The following GRIA1 variants were observed in gnomAD, a reference collection of about 807,000 sequenced individuals.
GRIA1 encodes the protein glutamate ionotropic receptor AMPA type subunit 1, also known as glutamate receptor 1.
GRIA1 carries 31 observed loss-of-function variants against 99.2 expected under a neutral mutation model. The observed-to-expected ratio is 0.31, with a 90% CI of 0.23 to 0.42. GRIA1 has a LOEUF of 0.42. Ranked by LOEUF, GRIA1 falls within the 10% of genes least tolerant of loss-of-function variation. The pLI is 1.00. For missense variants in GRIA1, 782 were observed against 1,157.5 expected, an observed-to-expected ratio of 0.68 and a Z score of 4.71; for synonymous variants, 438 against 432.4, an observed-to-expected ratio of 1.01 and a Z score of -0.16.
At chr5:153,767,755 A>G (rs1763615579) in intron 12 of GRIA1, among the ~76,000 whole-genome samples, 1 of 152,168 alleles carries the variant, frequency 6.6e-6, no homozygotes, top group South Asian at 2.1e-4. Flanking sequence ...TCCTCCATCG[A>G]CAGTTTAATT....
At chr5:153,492,170 T>C (rs780391156) in intron 1 of GRIA1, 9 of 1,514,314 alleles carry the variant, frequency 5.9e-6, no homozygotes, top group Non-Finnish European at 7.9e-6. Flanking sequence ...AGGGGGGATG[T>C]GGTGCAATTG....
At chr5:153,595,287 G>A (rs1001458359) in intron 2 of GRIA1, among the ~76,000 whole-genome samples, 1 of 152,112 alleles carries the variant, frequency 6.6e-6, no homozygotes, top group South Asian at 2.1e-4. Flanking sequence ...AAGTTCACAA[G>A]GTTAGTTCAG....
intron 5 of GRIA1, among the ~76,000 whole-genome samples, chr5:153,664,776 G>A (rs1033962201): frequency 6.6e-6 from 1 of 152,034 alleles, no homozygotes; most frequent in Non-Finnish European, 1.5e-5. Context: ...TTTCTTACCT[G>A]GTTCCCAGTA....
chr5:153,701,454 A>G (rs2149515930), intron 10 of GRIA1, among the ~76,000 whole-genome samples: 1 of 151,790 alleles, frequency 6.6e-6, no homozygotes, highest in East Asian at 2.0e-4. Flanking sequence ...CTCTACTAAG[A>G]ATACAAAAAA....
At chr5:153,583,119 G>A (rs1202285223) in intron 2 of GRIA1, among the ~76,000 whole-genome samples, 1 of 152,096 alleles carries the variant, frequency 6.6e-6, no homozygotes, top group African/African-American at 2.4e-5. Context: ...TTTTGGTACA[G>A]ATGGGGCTTC....
intron 11 of GRIA1, among the ~76,000 whole-genome samples, chr5:153,757,459 A>T (rs1762908182): frequency 6.6e-6 from 1 of 152,212 alleles, no homozygotes; most frequent in African/African-American, 2.4e-5. Context: ...AAAGTCACCA[A>T]TAGATTCAAC....
chr5:153,810,913 G>C (rs1448952180), intron 15 of GRIA1, 112 bp from the exon 16 acceptor site: 2 of 760,734 alleles, frequency 2.6e-6, no homozygotes, highest in African/African-American at 3.4e-5. Context: ...AATAGGAAAG[G>C]GGGTGGATGG....
intron 11 of GRIA1, among the ~76,000 whole-genome samples, chr5:153,743,835 G>A (rs986545005): frequency 5.9e-5 from 9 of 152,154 alleles, no homozygotes; most frequent in African/African-American, 1.4e-4. Context: ...GTCATGGGGC[G>A]ATCTTAGAAT....
chr5:153,805,511 G>A (rs575516699), intron 15 of GRIA1, among the ~76,000 whole-genome samples: 30 of 152,246 alleles, frequency 2.0e-4, no homozygotes, highest in Non-Finnish European at 4.0e-4. Flanking sequence ...CATCCAAGGG[G>A]CAGTTTTGGC....
intron 2 of GRIA1, among the ~76,000 whole-genome samples, chr5:153,584,451 G>T (rs1763301410): frequency 6.6e-6 from 1 of 152,160 alleles, no homozygotes; most frequent in Non-Finnish European, 1.5e-5. Context: ...GTGTTTTTAT[G>T]CTGGAAGTCT....
At chr5:153,757,941 A>C (rs1030487024) in intron 11 of GRIA1, among the ~76,000 whole-genome samples, 2 of 152,174 alleles carry the variant, frequency 1.3e-5, no homozygotes, top group Non-Finnish European at 2.9e-5. Context: ...AATCACTTAC[A>C]TTATTAGTAC....
At chr5:153,654,607 G>T (rs558684848) in intron 4 of GRIA1, among the ~76,000 whole-genome samples, 1 of 152,268 alleles carries the variant, frequency 6.6e-6, no homozygotes, top group East Asian at 1.9e-4. Flanking sequence ...AGAATTCATT[G>T]TGTGTGCTTG....
intron 2 of GRIA1, among the ~76,000 whole-genome samples, chr5:153,627,660 C>T (rs1401977334): frequency 2.0e-5 from 3 of 152,148 alleles, no homozygotes; most frequent in Non-Finnish European, 2.9e-5. Context: ...AGGACAGCAG[C>T]GAGGAGAGTG....
intron 5 of GRIA1, among the ~76,000 whole-genome samples, chr5:153,662,283 C>T (rs1755427308): frequency 6.6e-6 from 1 of 152,234 alleles, no homozygotes; most frequent in Admixed American, 6.5e-5. Flanking sequence ...CCTGATACTG[C>T]ACTGGGCTCA....
At chr5:153,633,664 G>A (rs574348648) in intron 2 of GRIA1, among the ~76,000 whole-genome samples, 124 of 152,258 alleles carry the variant, frequency 8.1e-4, no homozygotes, top group Non-Finnish European at 1.4e-3. Flanking sequence ...AGTTAGAGAG[G>A]TGAAAGAGTG....
At chr5:153,609,098 T>A (rs1272060207) in intron 2 of GRIA1, among the ~76,000 whole-genome samples, 1 of 152,186 alleles carries the variant, frequency 6.6e-6, no homozygotes, top group Non-Finnish European at 1.5e-5. Context: ...GGTCCTGGAC[T>A]CCAAATTTCA....
chr5:153,767,009 G>A (rs1763563408), intron 12 of GRIA1, among the ~76,000 whole-genome samples: 2 of 152,126 alleles, frequency 1.3e-5, no homozygotes, highest in African/African-American at 4.8e-5. Context: ...AGTAGTGGTT[G>A]CCTAGAGATT....
intron 11 of GRIA1, among the ~76,000 whole-genome samples, chr5:153,745,177 C>T (rs975133493): frequency 2.0e-5 from 3 of 152,122 alleles, no homozygotes; most frequent in South Asian, 2.1e-4. Flanking sequence ...TCTCAACCTT[C>T]GGCTCTCCGC....
intron 2 of GRIA1, among the ~76,000 whole-genome samples, chr5:153,549,092 T>C (rs1414376485): frequency 6.6e-6 from 1 of 152,230 alleles, no homozygotes; most frequent in African/African-American, 2.4e-5. Flanking sequence ...ACAGCTCTGA[T>C]GAACTTAAAG....
Sources: gnomAD v4.1 joint callset for allele counts (sites outside exome capture counted in the v4.1 genomes callset) on GRCh38, gnomAD v4.1.1 for gene constraint, MANE v1.5 for transcripts, NCBI Gene and HGNC (gene_info 2026-07-23, HGNC 2026-07-21) for gene names.